PLXNA2: variants seen among roughly 807,000 people sequenced by gnomAD.
The protein encoded by PLXNA2 is plexin-A2.
In PLXNA2, 91 loss-of-function variants were observed where a neutral mutation model predicts 193.5. The ratio of observed to expected loss-of-function variants is 0.47; its 90% CI spans 0.40 to 0.56. The LOEUF is 0.56. Among genes scored for constraint, PLXNA2 ranks in the 20% least tolerant of loss-of-function variants. The probability of loss-of-function intolerance (pLI) is 0.00; values close to 1 mark genes in which losing one functional copy is unlikely to be tolerated. For missense variants in PLXNA2, 1,995 were observed against 2,503.2 expected, an observed-to-expected ratio of 0.80 and a Z score of 4.33; for synonymous variants, 997 against 1,027.3, an observed-to-expected ratio of 0.97 and a Z score of 0.56.
chr1:208,155,628 G>A (rs660221), intron 3 of PLXNA2, among the ~76,000 whole-genome samples: 42,978 of 152,172 alleles, frequency 0.28, 7,057 homozygotes, highest in Non-Finnish European at 0.37. Context: ...CGGAGGTGAG[G>A]ATGGGGAGGG....
In PLXNA2 at chr1:208,053,809, G is replaced by C. The variant is rs573275323; in HGVS notation, c.2856+612C>G. Reference sequence around the variant, plus strand: ...AATAGAGTGCCATTACAGAAAGAAAGTCTTTGCAATTTGACTACCTGTTGC... The same window carrying C: ...AATAGAGTGCCATTACAGAAAGAAACTCTTTGCAATTTGACTACCTGTTGC... On this transcript the variant is annotated intron_variant, in intron 14 of 31. Transcript: ENST00000367033. Among the ~76,000 whole-genome samples the C allele has an allele frequency of 9.8e-5, 15 of 152,320 alleles. No individual in the cohort carries two copies. The South Asian group carries it at 3.1e-3, about 32-fold the overall frequency.
intron 4 of PLXNA2, among the ~76,000 whole-genome samples, chr1:208,117,214 T>C (rs1667663388): frequency 6.6e-6 from 1 of 151,868 alleles, no homozygotes; most frequent in African/African-American, 2.4e-5. Context: ...AGAGACTGTG[T>C]GAATTATTGG....
intron 3 of PLXNA2, among the ~76,000 whole-genome samples, chr1:208,207,152 T>C (rs941953398): frequency 5.3e-5 from 8 of 152,174 alleles, no homozygotes; most frequent in Non-Finnish European, 1.0e-4. Context: ...ACTACAGGCA[T>C]GTGCCACCAC....
Position 208,217,876 on chromosome 1 carries a change from C to T in PLXNA2, c.47G>A (p.Arg16His), listed in dbSNP as rs368987214. Residue 16 changes from arginine to histidine, a missense_variant, in exon 2 of 32, where the codon CGC becomes CAC. By Grantham distance (29) the Arg-to-His change is conservative. Transcript: ENST00000367033. This position sits in a 1 kb window ranked among gnomAD's most constrained non-coding sequence, Gnocchi z 4.7. The stretch of plus-strand genomic sequence containing the variant: ...GACCACTGAGAGCAGGACCACAGAG[C>T]GGCTGTCCACCTCCAGGGCCCGGGG... The part of the protein sequence containing the change: ...PWPRALEVDS[R>H]SVVLLSVVWV... 131 of 1,612,780 alleles carry T rather than the reference C, an allele frequency of 8.1e-5. No individual in the cohort carries two copies. Among genetic ancestry groups the T allele is most frequent in the South Asian group, 3.0e-4 (27 of 91,064 alleles).
chr1:208,099,267 C>T (rs998877926), intron 5 of PLXNA2, among the ~76,000 whole-genome samples: 6 of 152,120 alleles, frequency 3.9e-5, no homozygotes, highest in African/African-American at 7.2e-5. Flanking sequence ...TTGGACAAAA[C>T]GCACAAACAA....
Position 208,056,117 on chromosome 1 carries a change from G to T in PLXNA2, c.2739-1579C>A, listed in dbSNP as rs372895629. The stretch of plus-strand genomic sequence containing the variant: ...TGGTTATCTTCATGCTGCTACCTGC[G>T]TGTGGTTAACGACTCTCTCATCCTG... On this transcript the variant is annotated intron_variant, in intron 13 of 31. Transcript: ENST00000367033. 3.0e-4 allele frequency among the ~76,000 whole-genome samples: 46 copies of T among 152,338 alleles called. 1 individual carries two copies. The East Asian group carries it at 4.8e-3, about 16-fold the overall frequency.
At chr1:208,105,723 C>T (rs899296816) in intron 4 of PLXNA2, among the ~76,000 whole-genome samples, 1 of 152,160 alleles carries the variant, frequency 6.6e-6, no homozygotes, top group African/African-American at 2.4e-5. Context: ...ATAACAGAGA[C>T]CCTGGCTGCC....
intron 22 of PLXNA2, 64 bp from the exon 23 acceptor site, chr1:208,040,122 G>T: frequency 7.3e-7 from 1 of 1,362,974 alleles, no homozygotes; most frequent in South Asian, 1.2e-5. Context: ...TGGGGCCTGG[G>T]CTTGCCATGA....
chr1:208,175,135 G>A (rs1226421225), intron 3 of PLXNA2, among the ~76,000 whole-genome samples: 1 of 152,194 alleles, frequency 6.6e-6, no homozygotes, highest in Non-Finnish European at 1.5e-5. Flanking sequence ...GAATCTTTGG[G>A]GGAGAAGGTA....
At chr1:208,068,940 T>C (rs1454028765) in intron 12 of PLXNA2, among the ~76,000 whole-genome samples, 1 of 152,222 alleles carries the variant, frequency 6.6e-6, no homozygotes, top group Non-Finnish European at 1.5e-5. Context: ...ATTGACTGGT[T>C]GTAGAATAAA....
intron 3 of PLXNA2, among the ~76,000 whole-genome samples, chr1:208,162,536 G>A (rs1202029614): frequency 6.6e-6 from 1 of 152,200 alleles, no homozygotes; most frequent in Non-Finnish European, 1.5e-5. Flanking sequence ...AGGAGACTAT[G>A]GGGAGAAGCA....
chr1:208,239,890 C>T (rs1671990382), intron 1 of PLXNA2, among the ~76,000 whole-genome samples: 1 of 152,158 alleles, frequency 6.6e-6, no homozygotes, highest in African/African-American at 2.4e-5. Flanking sequence ...GGGTCAGTGG[C>T]TGAGCCTGGG....
chr1:208,207,172 A>C (rs1670757817), intron 3 of PLXNA2, among the ~76,000 whole-genome samples: 1 of 152,002 alleles, frequency 6.6e-6, no homozygotes, highest in African/African-American at 2.4e-5. Context: ...CGCCTAGCTA[A>C]TTTTTGTATT....
At chr1:208,160,109 G>C (rs896283145) in intron 3 of PLXNA2, among the ~76,000 whole-genome samples, 41 of 152,200 alleles carry the variant, frequency 2.7e-4, no homozygotes, top group African/African-American at 8.4e-4. Context: ...TGGAATGCCA[G>C]TGAAACCCAA....
Position 208,026,390 on chromosome 1 carries a change from A to C in PLXNA2, c.*853T>G, listed in dbSNP as rs1019856764. The C allele has an allele frequency of 6.6e-6, 1 of 152,280 alleles. No homozygotes were observed. Among genetic ancestry groups the C allele is most frequent in the East Asian group, 1.9e-4 (1 of 5,204 alleles). The allele number at this position is 152,280 out of a possible 1,614,324, so 9.4% of individuals were successfully genotyped here. On this transcript the variant is annotated 3_prime_UTR_variant, in exon 32 of 32. Coordinates refer to ENST00000367033, the MANE Select transcript of PLXNA2 (RefSeq NM_025179.4). ...GTTGAGGTTTAGGATTAAATAAAACAAAACAAAAAACAGTAGCAAAAAGCA... is the reference window on the plus strand; with the variant it reads ...GTTGAGGTTTAGGATTAAATAAAACCAAACAAAAAACAGTAGCAAAAAGCA...
chr1:208,127,593 A>T (rs1195878826), intron 4 of PLXNA2, among the ~76,000 whole-genome samples: 1 of 152,206 alleles, frequency 6.6e-6, no homozygotes, highest in African/African-American at 2.4e-5. Context: ...GGAGAAAGAG[A>T]AGGAAAAGCA....
intron 3 of PLXNA2, among the ~76,000 whole-genome samples, chr1:208,171,467 G>C (rs2246239): frequency 0.97 from 147,597 of 152,300 alleles, 71,713 homozygotes; most frequent in East Asian, 1. Flanking sequence ...AATGGGGGCA[G>C]TAGGAGTTTA....
In PLXNA2 at chr1:208,098,933, T is replaced by A. The variant is rs1382278599; in HGVS notation, c.1644A>T (p.Glu548Asp). 2 of 1,613,580 alleles carry A rather than the reference T, an allele frequency of 1.2e-6. No homozygotes were observed. The highest frequency in any genetic ancestry group is 2.2e-5 in the South Asian group (2 of 90,914). ...TGATGCTGGCAGCAAATCGATTAGG[T>A]TCCCAGGCCTGTTGGCATTTGTCCC... ...SRRDKCQQAW[E>D]PNRFAASISQ... Residue 548 changes from glutamate to aspartate, a missense_variant, in exon 6 of 32, where the codon GAA (glutamate) becomes GAT (aspartate). By Grantham distance (45) the Glu-to-Asp change is conservative. Around this residue, in one of 3 missense-constraint regions of PLXNA2, gnomAD observed 702 missense variants for 812.9 expected, o/e 0.86. Transcript: ENST00000367033.
chr1:208,224,742 C>T (rs1671461250), intron 1 of PLXNA2, among the ~76,000 whole-genome samples: 2 of 152,060 alleles, frequency 1.3e-5, no homozygotes, highest in Admixed American at 1.3e-4. Context: ...TAGGTCTCTG[C>T]CTGCATGTAC....
Sources: gnomAD v4.1 joint callset for allele counts (sites outside exome capture counted in the v4.1 genomes callset) on GRCh38, gnomAD v4.1.1 for gene constraint, gnomAD v4.1.1 regional missense constraint, Gnocchi (gnomAD v3.1) non-coding constraint, MANE v1.5 for transcripts, NCBI Gene and HGNC (gene_info 2026-07-23, HGNC 2026-07-21) for gene names.